Variants in PALM2AKAP2 observed in about 807,000 individuals in gnomAD.
PALM2AKAP2 encodes PALM2-AKAP2 fusion protein.
A neutral mutation model predicts 71.5 loss-of-function variants in PALM2AKAP2; 37 were observed. That is an observed-to-expected ratio of 0.52 (90% CI 0.40 to 0.68). The LOEUF is 0.68. Ranked by LOEUF, PALM2AKAP2 falls within the 30% of genes least tolerant of loss-of-function variation. The pLI, the probability that PALM2AKAP2 is intolerant of heterozygous loss-of-function variation, is 0.00. For synonymous variants in PALM2AKAP2, 468 were observed against 478.8 expected (o/e 0.98, Z 0.29); for missense variants, 1,224 against 1,191.8 (o/e 1.03, Z -0.40).
intron 6 of PALM2AKAP2, among the ~76,000 whole-genome samples, chr9:109,996,836 G>A (rs962602615): frequency 1.8e-4 from 28 of 152,326 alleles, no homozygotes; most frequent in East Asian, 1.7e-3. Context: ...GTTGGCATGC[G>A]TACACACAAG....
At chr9:109,673,066 T>C (rs1827598875) in intron 1 of PALM2AKAP2, among the ~76,000 whole-genome samples, 1 of 152,108 alleles carries the variant, frequency 6.6e-6, no homozygotes, top group Non-Finnish European at 1.5e-5. Context: ...GTTGATCTTT[T>C]GAATGCTTTT....
rs1332683318 is a variant in PALM2AKAP2 at position 109,879,697 on chromosome 9, TG to T, written c.127-852del. On this transcript the variant is annotated intron_variant, in intron 2 of 9. Transcript: ENST00000302798. ...AGTACACTTGCAAACATGGGATGTA[TG>T]GTTTTTTTTTTTTTTTTTGACAGGG... Among the ~76,000 whole-genome samples, 267 of 123,876 alleles carry T rather than the reference TG, an allele frequency of 2.2e-3. 3 individuals carry two copies. Among genetic ancestry groups the T allele is most frequent in the African/African-American group, 7.2e-3 (255 of 35,270 alleles). 81.3% of individuals were successfully genotyped at this position (123,876 alleles called of 152,430 possible).
intron 6 of PALM2AKAP2, among the ~76,000 whole-genome samples, chr9:110,010,815 G>A (rs1289111186): frequency 6.8e-6 from 1 of 148,064 alleles, no homozygotes; most frequent in Non-Finnish European, 1.5e-5. Context: ...GCCTCAACAT[G>A]GAGAAATCCT....
rs1205690819 is a variant in PALM2AKAP2, at chr9:109,937,403, A to C, written c.496+5375A>C. Among the ~76,000 whole-genome samples the C allele has an allele frequency of 2.6e-5, 4 of 152,208 alleles. No homozygotes were observed. In the East Asian group the frequency reaches 7.7e-4, roughly 29 times the overall value. ...AAGAATTATTAGGGAGCAAGAACCA[A>C]GAAAACCAAATGCGGAGGCCCAAAA... On this transcript the variant is annotated intron_variant, in intron 6 of 9. Coordinates refer to the PALM2AKAP2 transcript ENST00000302798.
intron 6 of PALM2AKAP2, among the ~76,000 whole-genome samples, chr9:109,993,460 A>T (rs1249893428): frequency 2.0e-5 from 3 of 152,332 alleles, no homozygotes; most frequent in Admixed American, 6.5e-5. Flanking sequence ...TGCATTTATC[A>T]CATGCCCATC....
At chr9:110,010,996 C>CAAAAAAA (rs754903953) in intron 6 of PALM2AKAP2, among the ~76,000 whole-genome samples, 8 of 54,284 alleles carry the variant, frequency 1.5e-4, no homozygotes, top group African/African-American at 2.1e-4. Flanking sequence ...AACTCTGTCT[C>CAAAAAAA]AAAAAAAAAA....
intron 6 of PALM2AKAP2, among the ~76,000 whole-genome samples, chr9:109,940,897 T>C (rs915558585): frequency 1.3e-5 from 2 of 152,116 alleles, no homozygotes; most frequent in African/African-American, 4.8e-5. Flanking sequence ...CAACAGAGGG[T>C]TTATGACTCA....
intron 1 of PALM2AKAP2, among the ~76,000 whole-genome samples, chr9:109,786,799 G>GA (rs34803690): frequency 0.17 from 25,051 of 151,346 alleles, 2,691 homozygotes; most frequent in East Asian, 0.34. Context: ...AGTTATCATG[G>GA]AAAAAAAAAG....
At chr9:109,784,723 C>T (rs1429365529) in intron 1 of PALM2AKAP2, among the ~76,000 whole-genome samples, 9 of 152,220 alleles carry the variant, frequency 5.9e-5, no homozygotes, top group East Asian at 3.8e-4. Context: ...GAATGCTGCC[C>T]GCAGCAGGCC....
exon 2 of PALM2AKAP2, chr9:110,136,781 C>T (rs753146690): frequency 6.2e-6 from 10 of 1,614,170 alleles, no homozygotes; most frequent in Non-Finnish European, 8.5e-6. Context: ...GTTTGAGCTG[C>T]GTGCCTTCCA....
chr9:110,084,292 A>G (rs1834510924), intron 1 of PALM2AKAP2, among the ~76,000 whole-genome samples: 1 of 152,236 alleles, frequency 6.6e-6, no homozygotes, highest in African/African-American at 2.4e-5. Flanking sequence ...TTATTATAAT[A>G]CTGATCTTCA....
At position 109,842,525 on chromosome 9, in the gene PALM2AKAP2, G is replaced by C. The variant is rs184847667; in HGVS notation, c.46-24966G>C. 2.2e-4 allele frequency among the ~76,000 whole-genome samples: 33 copies of C among 152,310 alleles called. 1 individual carries two copies. Among genetic ancestry groups the C allele is most frequent in the Admixed American group, 1.2e-3 (18 of 15,296 alleles). ...AACCCTGTTTCAACAAACTGAAGAAGTGGCTTAAAAAGTTTTCATGAATTA... is the reference window on the plus strand; with the variant it reads ...AACCCTGTTTCAACAAACTGAAGAACTGGCTTAAAAAGTTTTCATGAATTA... On this transcript the variant is annotated intron_variant, in intron 1 of 9. Transcript: ENST00000302798.
chr9:109,698,430 A>G (rs1188571525), intron 1 of PALM2AKAP2, among the ~76,000 whole-genome samples: 1 of 152,106 alleles, frequency 6.6e-6, no homozygotes, highest in Non-Finnish European at 1.5e-5. Context: ...GGCGCATGCC[A>G]CCACGCCTGG....
At chr9:109,665,415 T>G (rs368649588) in intron 1 of PALM2AKAP2, among the ~76,000 whole-genome samples, 138 of 152,328 alleles carry the variant, frequency 9.1e-4, no homozygotes, top group African/African-American at 3.2e-3. Flanking sequence ...TCCTTTCTGT[T>G]TGTTAGTTTT....
chr9:109,957,226 C>A (rs527701677), intron 6 of PALM2AKAP2, among the ~76,000 whole-genome samples: 20 of 152,310 alleles, frequency 1.3e-4, no homozygotes, highest in African/African-American at 4.8e-4. Flanking sequence ...TCTGATTGGG[C>A]TCTTGCTGAG....
chr9:110,052,137 C>T lies in PALM2AKAP2; in HGVS notation c.156+3282C>T, dbSNP rs112825201. The stretch of plus-strand genomic sequence containing the variant: ...TAGGATGATCTCGATCTCCTGACCT[C>T]GTGATCTGCCCGCCTCGGCCTCCCA... On this transcript the variant is annotated intron_variant, in intron 1 of 3. Coordinates refer to ENST00000374525, the Ensembl canonical transcript of PALM2AKAP2. Among the ~76,000 whole-genome samples the T allele has an allele frequency of 6.4e-3, 979 of 152,254 alleles. 11 individuals are homozygous for T. The highest frequency in any genetic ancestry group is 0.047 in the South Asian group (225 of 4,820).
At chr9:109,941,811 G>C (rs1230696111) in intron 6 of PALM2AKAP2, among the ~76,000 whole-genome samples, 1 of 152,214 alleles carries the variant, frequency 6.6e-6, no homozygotes. Context: ...GAGAGACAGG[G>C]GCAAGGGGAG....
At chr9:109,968,955 C>G (rs572124877) in intron 6 of PALM2AKAP2, among the ~76,000 whole-genome samples, 1 of 152,248 alleles carries the variant, frequency 6.6e-6, no homozygotes, top group African/African-American at 2.4e-5. Flanking sequence ...GTGACACAGA[C>G]AGAGAGACTG....
chr9:110,061,114 T>C (rs1833957459), intron 1 of PALM2AKAP2, among the ~76,000 whole-genome samples: 1 of 152,212 alleles, frequency 6.6e-6, no homozygotes, highest in African/African-American at 2.4e-5. Context: ...GGCATGATAA[T>C]GTGTGTCACC....
Sources: allele counts gnomAD v4.1 joint callset (sites outside exome capture counted in the v4.1 genomes callset), GRCh38; gene constraint gnomAD v4.1.1; transcripts MANE v1.5; gene names NCBI Gene and HGNC (gene_info 2026-07-23, HGNC 2026-07-21).